Variants in FOXN3 observed in about 807,000 individuals in gnomAD.
FOXN3 encodes the protein forkhead box protein N3.
Under a neutral mutation model 38.4 loss-of-function variants are expected in FOXN3, and 7 were observed. The observed-to-expected ratio is 0.18, with a 90% CI of 0.10 to 0.34. FOXN3 has a LOEUF of 0.34. Ranked by LOEUF, FOXN3 falls within the 10% of genes least tolerant of loss-of-function variation. FOXN3 has a pLI of 1.00. For missense variants in FOXN3, 456 were observed against 613.4 expected (o/e 0.74, Z 2.71); for synonymous variants, 230 against 242.2 (o/e 0.95, Z 0.47).
chr14:89,241,176 G>A (rs888118349), intron 4 of FOXN3, among the ~76,000 whole-genome samples: 2 of 152,194 alleles, frequency 1.3e-5, no homozygotes, highest in Non-Finnish European at 2.9e-5. Flanking sequence ...ATTGCTCTTC[G>A]ATGGCCTATG....
intron 1 of FOXN3, among the ~76,000 whole-genome samples, chr14:89,485,289 T>A: frequency 6.6e-6 from 1 of 151,982 alleles, no homozygotes; most frequent in Non-Finnish European, 1.5e-5. Flanking sequence ...TTGGCTCCCA[T>A]CCCTGACTAC....
At chr14:89,249,317 T>C (rs1445160088) in intron 4 of FOXN3, among the ~76,000 whole-genome samples, 1 of 152,176 alleles carries the variant, frequency 6.6e-6, no homozygotes, top group Non-Finnish European at 1.5e-5. Flanking sequence ...CCCTTTCCCC[T>C]TTCCCCTGAC....
chr14:89,170,526 T>G (rs1452861934), intron 5 of FOXN3, among the ~76,000 whole-genome samples: 2 of 152,214 alleles, frequency 1.3e-5, no homozygotes, highest in African/African-American at 4.8e-5. Context: ...ATCTCCCACC[T>G]CAGCCTCCCA....
chr14:89,596,181 A>G (rs766369627), intron 1 of FOXN3, among the ~76,000 whole-genome samples: 2 of 152,206 alleles, frequency 1.3e-5, no homozygotes, highest in Non-Finnish European at 2.9e-5. Context: ...TCTGTCACCC[A>G]GGCTGGAGTG....
chr14:89,360,053 G>C (rs546482579), intron 2 of FOXN3, among the ~76,000 whole-genome samples: 29 of 152,302 alleles, frequency 1.9e-4, no homozygotes, highest in African/African-American at 7.0e-4. Flanking sequence ...CCCAGGATCT[G>C]GCAGGCTTGA....
At position 89,312,436 on chromosome 14, in the gene FOXN3, G is replaced by A. The variant is rs544961780; in HGVS notation, c.681-31422C>T. Among the ~76,000 whole-genome samples, 6 of 152,046 alleles carry A rather than the reference G, an allele frequency of 3.9e-5. No homozygotes were observed. In the South Asian group the frequency reaches 1.2e-3, roughly 32 times the overall value. On this transcript the variant is annotated intron_variant, in intron 3 of 5. Transcript: ENST00000557258. ...AGCCAAAAAAAAATCTCTATCAATTGGATTAGCAGATACTTAAAAAACTGA... is the reference window on the plus strand; with the variant it reads ...AGCCAAAAAAAAATCTCTATCAATTAGATTAGCAGATACTTAAAAAACTGA...
At chr14:89,247,070 C>A (rs1885320741) in intron 4 of FOXN3, among the ~76,000 whole-genome samples, 1 of 152,070 alleles carries the variant, frequency 6.6e-6, no homozygotes, top group Admixed American at 6.5e-5. Flanking sequence ...ATCCATCCAT[C>A]CATCCACCCA....
At chr14:89,325,244 C>T (rs61983118) in intron 3 of FOXN3, among the ~76,000 whole-genome samples, 59 of 60,468 alleles carry the variant, frequency 9.8e-4, no homozygotes, top group East Asian at 2.7e-3. Context: ...ACTACCACCA[C>T]CACGACCACC....
At chr14:89,411,586 T>C (rs1380193892) in intron 2 of FOXN3, among the ~76,000 whole-genome samples, 3 of 152,236 alleles carry the variant, frequency 2.0e-5, no homozygotes, top group Non-Finnish European at 4.4e-5. Flanking sequence ...TCACGGTTAA[T>C]GGCTGTCCTT....
chr14:89,359,994 T>C (rs1889395076), intron 2 of FOXN3, among the ~76,000 whole-genome samples: 2 of 152,070 alleles, frequency 1.3e-5, no homozygotes, highest in Admixed American at 6.6e-5. Flanking sequence ...TGGCCTAGAG[T>C]TGGTACTCCT....
intron 2 of FOXN3, among the ~76,000 whole-genome samples, chr14:89,385,944 T>C (rs908084993): frequency 1.3e-5 from 2 of 152,210 alleles, no homozygotes; most frequent in Admixed American, 6.5e-5. Context: ...CTGAAGGCCA[T>C]CCTCACAAAG....
At chr14:89,420,934 C>G (rs1166703858), upstream of FOXN3, among the ~76,000 whole-genome samples, 1 of 148,404 alleles carries the variant, frequency 6.7e-6, no homozygotes, top group East Asian at 2.0e-4. Flanking sequence ...AGATGAATTT[C>G]GGGAGAGGAA....
At chr14:89,316,109 T>C (rs907183652) in intron 3 of FOXN3, among the ~76,000 whole-genome samples, 45 of 152,156 alleles carry the variant, frequency 3.0e-4, no homozygotes, top group Admixed American at 2.9e-3. Flanking sequence ...CAATAGGACA[T>C]TAGCAAATAT....
intron 1 of FOXN3, among the ~76,000 whole-genome samples, chr14:89,469,748 G>A (rs1431800824): frequency 1.3e-5 from 2 of 152,320 alleles, no homozygotes; most frequent in East Asian, 3.9e-4. Context: ...CTACTCCCTG[G>A]CACTGTGTCT....
chr14:89,459,169 G>A (rs1341674178), intron 1 of FOXN3, among the ~76,000 whole-genome samples: 1 of 150,882 alleles, frequency 6.6e-6, no homozygotes, highest in African/African-American at 2.4e-5. Flanking sequence ...AAAAGAAGAA[G>A]AAGAAAAAAA....
intron 1 of FOXN3, among the ~76,000 whole-genome samples, chr14:89,429,215 C>T (rs997157267): frequency 1.3e-5 from 2 of 152,256 alleles, no homozygotes; most frequent in South Asian, 2.1e-4. Context: ...TTTCTTTGTC[C>T]GTGGAAATCT....
chr14:89,517,172 G>A (rs1894223049), intron 1 of FOXN3, among the ~76,000 whole-genome samples: 1 of 152,010 alleles, frequency 6.6e-6, no homozygotes, highest in Non-Finnish European at 1.5e-5. Context: ...CCAGACAGAT[G>A]GTCAACATGG....
At chr14:89,311,185 T>A (rs1887534486) in intron 3 of FOXN3, among the ~76,000 whole-genome samples, 1 of 142,650 alleles carries the variant, frequency 7.0e-6, no homozygotes, top group African/African-American at 2.6e-5. Flanking sequence ...ATACCTTGTA[T>A]CTTTTAAAAA....
intron 4 of FOXN3, among the ~76,000 whole-genome samples, chr14:89,185,277 T>C (rs148156381): frequency 3.2e-4 from 49 of 152,302 alleles, no homozygotes; most frequent in African/African-American, 1.1e-3. Flanking sequence ...GTCTTTCTCC[T>C]TTCTGTCCCC....
Sources: gnomAD v4.1 joint callset for allele counts (sites outside exome capture counted in the v4.1 genomes callset) on GRCh38, gnomAD v4.1.1 for gene constraint, MANE v1.5 for transcripts, NCBI Gene and HGNC (gene_info 2026-07-23, HGNC 2026-07-21) for gene names.